The following GNAI1 variants were observed in gnomAD, a reference collection of about 807,000 sequenced individuals.
The protein encoded by GNAI1 is G protein subunit alpha i1.
A neutral mutation model predicts 38.9 loss-of-function variants in GNAI1; 11 were observed. That is an observed-to-expected ratio of 0.28 (90% CI 0.18 to 0.47). GNAI1 has a LOEUF of 0.47. Ranked by LOEUF, GNAI1 falls within the 20% of genes least tolerant of loss-of-function variation. The probability of loss-of-function intolerance (pLI) is 0.99; values close to 1 mark genes in which losing one functional copy is unlikely to be tolerated. For missense variants in GNAI1, 317 were observed against 436.9 expected, an observed-to-expected ratio of 0.73 and a Z score of 2.45; for synonymous variants, 166 against 145.1, an observed-to-expected ratio of 1.14 and a Z score of -1.04.
chr7:80,142,848 GGT>G (rs1787549890), intron 1 of GNAI1, among the ~76,000 whole-genome samples: 1 of 25,676 alleles, frequency 3.9e-5, no homozygotes, highest in African/African-American at 8.0e-5. Context: ...CATGATTCTT[GGT>G]AAATAAGTGG....
At position 80,185,030 on chromosome 7, in the gene GNAI1, T is replaced by C. The variant is rs374581902; in HGVS notation, c.119-3921T>C. 2.2e-4 allele frequency among the ~76,000 whole-genome samples: 34 copies of C among 152,294 alleles called. 1 individual carries two copies. In the South Asian group the frequency reaches 7.0e-3, roughly 32 times the overall value. ...ACTGACACATGTTACATATTTCTCTTTTCTTCTTGAAGTTGCTCTTGGTAG... is the reference window on the plus strand; with the variant it reads ...ACTGACACATGTTACATATTTCTCTCTTCTTCTTGAAGTTGCTCTTGGTAG... On this transcript the variant is annotated intron_variant, in intron 1 of 7. Coordinates refer to ENST00000649796, the MANE Select transcript of GNAI1 (RefSeq NM_002069.6).
chr7:80,156,589 C>G (rs183070302), intron 1 of GNAI1, among the ~76,000 whole-genome samples: 1 of 152,142 alleles, frequency 6.6e-6, no homozygotes. Context: ...CCACCATTCC[C>G]AGCCAATTTT....
chr7:80,209,482 A>G (rs533785367), intron 5 of GNAI1, among the ~76,000 whole-genome samples: 18 of 152,320 alleles, frequency 1.2e-4, no homozygotes, highest in South Asian at 4.1e-4. Flanking sequence ...ACTTAAAGTT[A>G]ACTGATTACA....
At chr7:80,201,496 A>T (rs1309191684) in intron 4 of GNAI1, among the ~76,000 whole-genome samples, 2 of 152,134 alleles carry the variant, frequency 1.3e-5, no homozygotes, top group Non-Finnish European at 2.9e-5. Context: ...AGGTGAGAGG[A>T]TCGCTTGAGC....
At chr7:80,183,243 G>A (rs190384764) in intron 1 of GNAI1, among the ~76,000 whole-genome samples, 2 of 152,242 alleles carry the variant, frequency 1.3e-5, no homozygotes, top group East Asian at 1.9e-4. Context: ...TTTCAACAGG[G>A]AGAATTGAAC....
chr7:80,225,173 C>G lies in GNAI1; in HGVS notation c.*7680C>G, dbSNP rs1309721686. On this transcript the variant is annotated 3_prime_UTR_variant, in exon 8 of 8. Transcript: ENST00000649796. ...GGACTATTCCAGTTTTAAATGCTAT[C>G]GTTTGGTTTGGTGTAATATAGCCTT... 6.6e-6 allele frequency among the ~76,000 whole-genome samples: 1 copy of G among 152,096 alleles called. No homozygotes were observed. Among genetic ancestry groups the G allele is most frequent in the African/African-American group, 2.4e-5 (1 of 41,406 alleles).
intron 1 of GNAI1, among the ~76,000 whole-genome samples, chr7:80,144,987 T>A (rs966784318): frequency 3.3e-5 from 5 of 152,188 alleles, no homozygotes; most frequent in African/African-American, 1.2e-4. Context: ...GGTGCTCCTC[T>A]AATTCAAGAC....
chr7:80,206,944 C>T (rs1788787165), intron 5 of GNAI1, among the ~76,000 whole-genome samples: 1 of 151,934 alleles, frequency 6.6e-6, no homozygotes, highest in Non-Finnish European at 1.5e-5. Flanking sequence ...CCTTGGTTGA[C>T]CACAGGTAAC....
At chr7:80,179,272 G>A (rs1039848231) in intron 1 of GNAI1, among the ~76,000 whole-genome samples, 4 of 152,050 alleles carry the variant, frequency 2.6e-5, no homozygotes, top group Admixed American at 2.0e-4. Context: ...GCATGCATCA[G>A]AATCACTTGG....
intron 1 of GNAI1, among the ~76,000 whole-genome samples, chr7:80,182,764 A>G (rs1445053626): frequency 6.6e-6 from 1 of 152,190 alleles, no homozygotes; most frequent in African/African-American, 2.4e-5. Flanking sequence ...ACCCCTTTAT[A>G]CATTACAGCC....
At chr7:80,143,490 T>G (rs754963462) in intron 1 of GNAI1, among the ~76,000 whole-genome samples, 1 of 152,180 alleles carries the variant, frequency 6.6e-6, no homozygotes, top group Non-Finnish European at 1.5e-5. Flanking sequence ...AGAAGAGACT[T>G]TGCTATCTAT....
intron 1 of GNAI1, among the ~76,000 whole-genome samples, chr7:80,154,465 T>C (rs957286149): frequency 2.0e-5 from 3 of 152,204 alleles, no homozygotes; most frequent in Non-Finnish European, 4.4e-5. Flanking sequence ...TTGGGTTTGC[T>C]CTGGAAAGAG....
At position 80,174,427 on chromosome 7, in the gene GNAI1, T is replaced by A. The variant is rs572014791; in HGVS notation, c.119-14524T>A. Among the ~76,000 whole-genome samples the A allele has an allele frequency of 1.6e-3, 240 of 151,380 alleles. 1 individual carries two copies. Among genetic ancestry groups the A allele is most frequent in the Non-Finnish European group, 3.0e-3 (201 of 67,796 alleles). On this transcript the variant is annotated intron_variant, in intron 1 of 7. Coordinates refer to ENST00000649796, the MANE Select transcript of GNAI1 (RefSeq NM_002069.6). ...ATACACTATATATGCTTATTTTCCC[T>A]CTATGAATAGTTTTTGTATCTTCTG...
chr7:80,159,318 C>T (rs1238044016), intron 1 of GNAI1, among the ~76,000 whole-genome samples: 1 of 152,114 alleles, frequency 6.6e-6, no homozygotes, highest in Non-Finnish European at 1.5e-5. Flanking sequence ...TAGGCTTGTA[C>T]TTTGTTTTTA....
intron 3 of GNAI1, among the ~76,000 whole-genome samples, chr7:80,192,181 C>T (rs1180221230): frequency 1.3e-5 from 2 of 152,080 alleles, no homozygotes; most frequent in East Asian, 1.9e-4. Flanking sequence ...TTTTTACAAT[C>T]GATTCTCACT....
intron 1 of GNAI1, chr7:80,135,655 C>CCCCA (rs1787398882): frequency 6.2e-6 from 1 of 162,102 alleles, no homozygotes; most frequent in Non-Finnish European, 1.2e-5. Flanking sequence ...AACACCCCCC[C>CCCCA]CCCCGCGCCA....
At chr7:80,138,341 G>A (rs944512042) in intron 1 of GNAI1, among the ~76,000 whole-genome samples, 12 of 152,134 alleles carry the variant, frequency 7.9e-5, no homozygotes, top group Non-Finnish European at 1.8e-4. Flanking sequence ...ACTGAGCAGT[G>A]AATTAGGCCT....
chr7:80,181,778 T>C (rs866776797), intron 1 of GNAI1, among the ~76,000 whole-genome samples: 3 of 152,158 alleles, frequency 2.0e-5, no homozygotes, highest in Admixed American at 6.5e-5. Context: ...ATAAAAATTA[T>C]ATATATTTAC....
chr7:80,186,809 A>G (rs969613674), intron 1 of GNAI1, among the ~76,000 whole-genome samples: 9 of 152,198 alleles, frequency 5.9e-5, no homozygotes, highest in Non-Finnish European at 1.0e-4. Context: ...GTGGTTTATT[A>G]AAGACAGCCC....
Sources: gnomAD v4.1 joint callset for allele counts (sites outside exome capture counted in the v4.1 genomes callset) on GRCh38, gnomAD v4.1.1 for gene constraint, MANE v1.5 for transcripts, NCBI Gene and HGNC (gene_info 2026-07-23, HGNC 2026-07-21) for gene names.